The following NPFFR1 variants were observed in gnomAD, a reference collection of about 807,000 sequenced individuals.
NPFFR1 encodes G-protein coupled receptor 147.
In NPFFR1, 17 loss-of-function variants were observed where a neutral mutation model predicts 12.7. That is an observed-to-expected ratio of 1.34 (90% confidence interval 0.92 to 2.01). NPFFR1 has a LOEUF of 2.01. NPFFR1 is among the 30% of genes most tolerant of loss of function. The pLI, the probability that NPFFR1 is intolerant of heterozygous loss-of-function variation, is 0.00. For synonymous variants in NPFFR1, 296 were observed against 264.5 expected (o/e 1.12, Z -1.16); for missense variants, 604 against 606.5 (o/e 1.00, Z 0.04).
chr10:70,260,023 A>G (rs190165762), intron 3 of NPFFR1, among the ~76,000 whole-genome samples: 10 of 152,324 alleles, frequency 6.6e-5, no homozygotes, highest in Admixed American at 6.5e-4. Context: ...GCACTCATGT[A>G]GTGCAATATG....
chr10:70,261,319 C>G (rs1016578483), intron 2 of NPFFR1, among the ~76,000 whole-genome samples: 3 of 152,172 alleles, frequency 2.0e-5, no homozygotes, highest in African/African-American at 7.2e-5. Flanking sequence ...TCCCCTTCCA[C>G]CATGATTGTA....
At chr10:70,276,813 C>A (rs1840810050) in intron 1 of NPFFR1, among the ~76,000 whole-genome samples, 1 of 152,058 alleles carries the variant, frequency 6.6e-6, no homozygotes, top group Admixed American at 6.6e-5. Flanking sequence ...TCTCAAACTC[C>A]TGACCTCAAG....
intron 2 of NPFFR1, among the ~76,000 whole-genome samples, chr10:70,263,465 G>A (rs377049385): frequency 6.6e-6 from 1 of 151,966 alleles, no homozygotes; most frequent in African/African-American, 2.4e-5. Flanking sequence ...AGTAGAGATG[G>A]GGTTTCACCA....
At chr10:70,276,645 T>C (rs944887752) in intron 1 of NPFFR1, among the ~76,000 whole-genome samples, 8 of 144,920 alleles carry the variant, frequency 5.5e-5, no homozygotes, top group African/African-American at 2.0e-4. Flanking sequence ...TGGAGTGCAG[T>C]GGCGCGATCT....
chr10:70,272,244 G>GAGA (rs1554833502), intron 1 of NPFFR1, among the ~76,000 whole-genome samples: 7 of 64,406 alleles, frequency 1.1e-4, no homozygotes, highest in African/African-American at 4.0e-4. Context: ...AAGAAAGAAA[G>GAGA]AAGAAAGAAG....
chr10:70,255,729 C>T lies in NPFFR1; in HGVS notation c.521G>A (p.Cys174Tyr). 1.2e-6 allele frequency: 2 copies of T among 1,610,842 alleles called. No individual in the cohort carries two copies. The highest frequency in any genetic ancestry group is 1.7e-6 in the Non-Finnish European group (2 of 1,178,718). The change falls in exon 4 of 4, where the codon TGT becomes TAT. Residue 174 changes from cysteine to tyrosine, a missense_variant. Physicochemically the swap from Cys to Tyr is radical, Grantham distance 194 (BLOSUM62 -2). Transcript: ENST00000277942. This position sits in a 1 kb window ranked among gnomAD's most constrained non-coding sequence, Gnocchi z 4.2. ...VIWALALLIM[C>Y]PSAVTLTVTR... ...GACGGTCAGCGTGACGGCCGAGGGA[C>T]ACATGATGAGCAGCGCCAGGGCCCA...
Position 70,255,730 on chromosome 10 carries a change from A to T in NPFFR1, c.520T>A (p.Cys174Ser), listed in dbSNP as rs752582902. The T allele has an allele frequency of 1.2e-6, 2 of 1,610,856 alleles. No homozygotes were observed. The highest frequency in any genetic ancestry group is 1.7e-6 in the Non-Finnish European group (2 of 1,178,764). Residue 174 changes from cysteine to serine, a missense_variant, in exon 4 of 4, where the codon TGT (cysteine) becomes AGT (serine). Physicochemically the swap from Cys to Ser is moderately radical, Grantham distance 112. Transcript: ENST00000277942. This position sits in a 1 kb window ranked among gnomAD's most constrained non-coding sequence, Gnocchi z 4.2. ...ACGGTCAGCGTGACGGCCGAGGGACACATGATGAGCAGCGCCAGGGCCCAG... is the reference window on the plus strand; with the variant it reads ...ACGGTCAGCGTGACGGCCGAGGGACTCATGATGAGCAGCGCCAGGGCCCAG... ...VIWALALLIM[C>S]PSAVTLTVTR...
chr10:70,276,742 A>G (rs1840809301), intron 1 of NPFFR1, among the ~76,000 whole-genome samples: 1 of 151,874 alleles, frequency 6.6e-6, no homozygotes, highest in Non-Finnish European at 1.5e-5. Flanking sequence ...GTCTACCACC[A>G]AGCCCAGCTA....
intron 2 of NPFFR1, among the ~76,000 whole-genome samples, chr10:70,265,230 C>T (rs926360634): frequency 6.6e-6 from 1 of 152,192 alleles, no homozygotes; most frequent in African/African-American, 2.4e-5. Context: ...GCTGTCCAGG[C>T]TCTGGATCCT....
chr10:70,254,001 C>T lies in NPFFR1; in HGVS notation c.*956G>A, dbSNP rs1227518460. 1 of 152,232 alleles carries T rather than the reference C, an allele frequency of 6.6e-6. No homozygotes were observed. The highest frequency in any genetic ancestry group is 1.5e-5 in the Non-Finnish European group (1 of 68,056). The allele number at this position is 152,232 out of a possible 1,614,324, so 9.4% of individuals were successfully genotyped here. A position where few individuals can be genotyped will look rare whatever the true frequency, so the allele number is the denominator to read the frequency against. ...AGCTTCAGTTGACCAACTTCTCCCTCCCAGGAAGCAGGGAGGAGAGAGACC... is the reference window on the plus strand; with the variant it reads ...AGCTTCAGTTGACCAACTTCTCCCTTCCAGGAAGCAGGGAGGAGAGAGACC... On this transcript the variant is annotated 3_prime_UTR_variant, in exon 4 of 4. Coordinates refer to ENST00000277942, the MANE Select transcript of NPFFR1 (RefSeq NM_022146.5).
intron 1 of NPFFR1, among the ~76,000 whole-genome samples, chr10:70,272,211 G>GAAAGAGAGAGAGAGA (rs10664195): frequency 1.8e-5 from 1 of 55,822 alleles, no homozygotes; most frequent in Non-Finnish European, 3.4e-5. Flanking sequence ...AAGAAAGAAA[G>GAAAGAGAGAGAGAGA]GAAAGAAAGA....
At chr10:70,273,776 A>G (rs1840773839) in intron 1 of NPFFR1, among the ~76,000 whole-genome samples, 1 of 151,868 alleles carries the variant, frequency 6.6e-6, no homozygotes, top group Non-Finnish European at 1.5e-5. Flanking sequence ...CACCCTTCCA[A>G]TGGATTCCCA....
Position 70,255,271 on chromosome 10 carries a change from TG to T in NPFFR1, c.978del (p.Ile327SerfsTer133). On this transcript the variant is annotated frameshift_variant, in exon 4 of 4. Coordinates refer to ENST00000277942, the MANE Select transcript of NPFFR1 (RefSeq NM_022146.5). LOFTEE classifies it low-confidence loss of function (END_TRUNC). The surrounding 1 kb of genome is among the most constrained non-coding windows in gnomAD (Gnocchi z 4.2). ...WLAFFNSSAN[P>X]IIYGYFNENF... ...TTCTCGTTGAAGTAGCCGTAGATGATGGGGTTGGCGCTGCTGTTGAAGAAGG... is the reference window on the plus strand; with the variant it reads ...TTCTCGTTGAAGTAGCCGTAGATGATGGGTTGGCGCTGCTGTTGAAGAAGG... The T allele has an allele frequency of 1.3e-6, 2 of 1,576,842 alleles. No homozygotes were observed. The highest frequency in any genetic ancestry group is 1.7e-6 in the Non-Finnish European group (2 of 1,166,618).
At chr10:70,264,366 CAAAAAAA>C (rs56178146) in intron 2 of NPFFR1, among the ~76,000 whole-genome samples, 10 of 74,588 alleles carry the variant, frequency 1.3e-4, no homozygotes, top group African/African-American at 5.5e-4. Flanking sequence ...AGTGAGACTC[CAAAAAAA>C]AAAAAAAAAA....
chr10:70,279,204 T>G (rs1840834493), intron 1 of NPFFR1, among the ~76,000 whole-genome samples: 1 of 152,192 alleles, frequency 6.6e-6, no homozygotes, highest in Non-Finnish European at 1.5e-5. Context: ...CATGCTGGAG[T>G]GCAGAGATCT....
chr10:70,259,508 A>G (rs1840612585), intron 3 of NPFFR1, among the ~76,000 whole-genome samples: 1 of 152,104 alleles, frequency 6.6e-6, no homozygotes, highest in African/African-American at 2.4e-5. Flanking sequence ...AATGATAACA[A>G]AACAAAGGTC....
At position 70,252,452 on chromosome 10, in the gene NPFFR1, G is replaced by A. The variant is rs1840520786; in HGVS notation, c.*2505C>T. ...ATAAAAAATTCTGAAAATAGATAGT[G>A]GTAATGGTTACACAACAATGTGAAT... is the stretch of plus-strand genomic sequence containing the variant. On this transcript the variant is annotated 3_prime_UTR_variant, in exon 4 of 4. Transcript: ENST00000277942. 2 of 152,110 alleles carry A rather than the reference G, an allele frequency of 1.3e-5. No individual in the cohort carries two copies. The highest frequency in any genetic ancestry group is 4.8e-5 in the African/African-American group (2 of 41,418). 9.4% of individuals were successfully genotyped at this position (152,110 alleles called of 1,614,324 possible).
chr10:70,276,788 T>C (rs985007761), intron 1 of NPFFR1, among the ~76,000 whole-genome samples: 4 of 152,126 alleles, frequency 2.6e-5, no homozygotes, highest in Non-Finnish European at 5.9e-5. Flanking sequence ...GGTTTCACCA[T>C]GTTGGCCAGG....
In NPFFR1 at chr10:70,254,982, AG is replaced by A; in HGVS notation, c.1267del (p.Leu423SerfsTer37). 1 of 1,423,750 alleles carries A rather than the reference AG, an allele frequency of 7.0e-7. No homozygotes were observed. The allele number at this position is 1,423,750 out of a possible 1,614,324, so 88.2% of individuals were successfully genotyped here. A position where few individuals can be genotyped will look rare whatever the true frequency, so the allele number is the denominator to read the frequency against. ...REGPGCSHLP[L>X]TIPAWDI ...TCAGATATCCCAGGCTGGAATGGTG[AG>A]GGGCAGGTGGGAGCAGCCAGGCCCT... On this transcript the variant is annotated frameshift_variant, in exon 4 of 4. Coordinates refer to ENST00000277942, the MANE Select transcript of NPFFR1 (RefSeq NM_022146.5). LOFTEE classifies it high-confidence loss of function.
Sources: gnomAD v4.1 joint callset for allele counts (sites outside exome capture counted in the v4.1 genomes callset) on GRCh38, gnomAD v4.1.1 for gene constraint, Gnocchi (gnomAD v3.1) non-coding constraint, MANE v1.5 for transcripts, NCBI Gene and HGNC (gene_info 2026-07-23, HGNC 2026-07-21) for gene names.